The following DNM1 variants were observed in gnomAD, a reference collection of about 807,000 sequenced individuals.
DNM1 encodes the protein dynamin-1.
DNM1 carries 29 observed loss-of-function variants against 104.6 expected under a neutral mutation model. The observed-to-expected ratio is 0.28, with a 90% confidence interval of 0.21 to 0.38. DNM1 has a LOEUF of 0.38. DNM1 is among the 10% of genes least tolerant of loss of function. The pLI is 1.00. For synonymous variants in DNM1, 445 were observed against 475.8 expected, an observed-to-expected ratio of 0.94 and a Z score of 0.84; for missense variants, 640 against 1,189.4, an observed-to-expected ratio of 0.54 and a Z score of 6.79.
intron 21 of DNM1, chr9:128,252,390 G>A: frequency 2.5e-6 from 1 of 396,192 alleles, no homozygotes; most frequent in Non-Finnish European, 4.9e-6. Flanking sequence ...AGAGCAGTCT[G>A]GGAGAGCTTC....
rs1836877298 is a variant in DNM1, at chr9:128,247,117, G to T, written c.1782-258G>T. On this transcript the variant is annotated intron_variant, in intron 16 of 21. Transcript: ENST00000372923. This position sits in a 1 kb window ranked among gnomAD's most constrained non-coding sequence, Gnocchi z 5.1. ...CTTCACTGACTATGGTTGTCCTCTT[G>T]TCAAAGGTCCAGTCCCCTTCTAAGC... is the stretch of plus-strand genomic sequence containing the variant. 5.5e-6 allele frequency: 2 copies of T among 360,646 alleles called. No homozygotes were observed. The highest frequency in any genetic ancestry group is 5.3e-5 in the South Asian group (1 of 18,846). 22.3% of individuals were successfully genotyped at this position (360,646 alleles called of 1,614,324 possible). A position where few individuals can be genotyped will look rare whatever the true frequency, so the allele number is the denominator to read the frequency against.
At chr9:128,208,603 G>A (rs1293468898) in intron 1 of DNM1, among the ~76,000 whole-genome samples, 1 of 152,182 alleles carries the variant, frequency 6.6e-6, no homozygotes, top group Non-Finnish European at 1.5e-5. Context: ...TGACCTGGAT[G>A]GGGCAGAGGG....
In DNM1 at chr9:128,218,950, C is replaced by T; in HGVS notation, c.386-99C>T. The T allele has an allele frequency of 7.0e-7, 1 of 1,423,166 alleles. No individual in the cohort carries two copies. The highest frequency in any genetic ancestry group is 9.6e-7 in the Non-Finnish European group (1 of 1,039,590). The allele number at this position is 1,423,166 out of a possible 1,614,324, so 88.2% of individuals were successfully genotyped here. On this transcript the variant is annotated intron_variant, in intron 3 of 21. Transcript: ENST00000372923. The surrounding 1 kb of genome is among the most constrained non-coding windows in gnomAD (Gnocchi z 4.8). ...ATTTCCTAGTCCCACCCACCTGCCACCCTGCTCCCAAGCAGCTTCTCTAAC... is the reference window on the plus strand; with the variant it reads ...ATTTCCTAGTCCCACCCACCTGCCATCCTGCTCCCAAGCAGCTTCTCTAAC...
chr9:128,217,427 T>G (rs1318109188), intron 1 of DNM1, among the ~76,000 whole-genome samples: 1 of 152,062 alleles, frequency 6.6e-6, no homozygotes, highest in Non-Finnish European at 1.5e-5. Flanking sequence ...TCTTTGTGGG[T>G]TTTTTTGAGG....
Position 128,254,560 on chromosome 9 carries a change from CGCG to C in DNM1, c.2535-91_2535-89del, listed in dbSNP as rs1469871105. On this transcript the variant is annotated intron_variant, in intron 21 of 21. Transcript: ENST00000372923. The surrounding 1 kb of genome is among the most constrained non-coding windows in gnomAD (Gnocchi z 6.1). The stretch of plus-strand genomic sequence containing the variant: ...CCCGGCCCTCCCACCACTGCTGCGG[CGCG>C]GCCGGCCCCGGCCGTGTGCTGCGCT... 4.4e-5 allele frequency: 69 copies of C among 1,582,848 alleles called. No homozygotes were observed. The highest frequency in any genetic ancestry group is 1.4e-4 in the South Asian group (13 of 90,184).
Position 128,219,968 on chromosome 9 carries a change from C to A in DNM1, c.590-20C>A. 1 of 1,539,592 alleles carries A rather than the reference C, an allele frequency of 6.5e-7. No homozygotes were observed. The highest frequency in any genetic ancestry group is 8.8e-7 in the Non-Finnish European group (1 of 1,136,850). On this transcript the variant is annotated intron_variant, in intron 4 of 21. Coordinates refer to ENST00000372923, the MANE Select transcript of DNM1 (RefSeq NM_004408.4). ...GAGAGCGGGTGCAGCTGTAGACGGCCCTCCTGCTGGTGCACCCAGGCCAGC... is the reference window on the plus strand; with the variant it reads ...GAGAGCGGGTGCAGCTGTAGACGGCACTCCTGCTGGTGCACCCAGGCCAGC...
chr9:128,239,313 T>C (rs1836212396), intron 11 of DNM1, 132 bp from the exon 12 acceptor site: 1 of 698,458 alleles, frequency 1.4e-6, no homozygotes, highest in Non-Finnish European at 2.5e-6. Flanking sequence ...CTTTCACTGA[T>C]GGTAGGGACT....
At chr9:128,226,300 C>T in intron 10 of DNM1, 1 of 1,405,776 alleles carries the variant, frequency 7.1e-7, no homozygotes, top group Non-Finnish European at 9.5e-7. Context: ...CTAGTGTTTC[C>T]TGCCAGTTTC....
chr9:128,242,385 T>A, intron 15 of DNM1, 40 bp downstream of exon 15: 1 of 1,195,812 alleles, frequency 8.4e-7, no homozygotes. Context: ...GCTGGGCTGG[T>A]GGACAGAGTC....
chr9:128,223,384 G>A (rs1382923518), intron 9 of DNM1: 2 of 155,626 alleles, frequency 1.3e-5, no homozygotes, highest in Non-Finnish European at 1.4e-5. Flanking sequence ...TTCCTTAAAA[G>A]CTTAGATCCC....
chr9:128,251,140 G>C, intron 21 of DNM1, 200 bp downstream of exon 21: 1 of 676,100 alleles, frequency 1.5e-6, no homozygotes, highest in Non-Finnish European at 2.7e-6. Flanking sequence ...GCTGAGTCCC[G>C]GAGGTGGTCG....
intron 11 of DNM1, among the ~76,000 whole-genome samples, chr9:128,238,383 C>A (rs538200854): frequency 6.6e-6 from 1 of 152,250 alleles, no homozygotes; most frequent in East Asian, 1.9e-4. Context: ...TGCCACCATG[C>A]CCATCTAATT....
intron 20 of DNM1, 93 bp downstream of exon 20, chr9:128,250,449 G>T: frequency 2.2e-6 from 3 of 1,352,232 alleles, no homozygotes; most frequent in Non-Finnish European, 2.9e-6. Flanking sequence ...CCGCGTCACC[G>T]GGGTGGCTCC....
rs1836484535 is a variant in DNM1, at chr9:128,243,101, G to A, written c.1671+756G>A. On this transcript the variant is annotated intron_variant, in intron 15 of 21. Coordinates refer to ENST00000372923, the MANE Select transcript of DNM1 (RefSeq NM_004408.4). The surrounding 1 kb of genome is among the most constrained non-coding windows in gnomAD (Gnocchi z 4.0). ...CCTGCAGTCCAAGGGAAATGACCAGGGTGCCCTCAGGCTGAGGGGCAAGGA... is the reference window on the plus strand; with the variant it reads ...CCTGCAGTCCAAGGGAAATGACCAGAGTGCCCTCAGGCTGAGGGGCAAGGA... Among the ~76,000 whole-genome samples, 1 of 152,160 alleles carries A rather than the reference G, an allele frequency of 6.6e-6. No homozygotes were observed. Among genetic ancestry groups the A allele is most frequent in the African/African-American group, 2.4e-5 (1 of 41,438 alleles).
chr9:128,234,004 C>G lies in DNM1; in HGVS notation c.1336-17C>G, dbSNP rs2131226722. The G allele has an allele frequency of 6.4e-7, 1 of 1,554,376 alleles. No individual in the cohort carries two copies. Among genetic ancestry groups the G allele is most frequent in the East Asian group, 2.4e-5 (1 of 41,138 alleles). ...CCCTCTGTGTACGTGGCTTTCTGCC[C>G]TCCTGCCCTTCCCCAGCTCCAGCAG... is the stretch of plus-strand genomic sequence containing the variant. On this transcript the variant is annotated splice_polypyrimidine_tract_variant and intron_variant, in intron 10 of 21. Coordinates refer to ENST00000372923, the MANE Select transcript of DNM1 (RefSeq NM_004408.4).
At position 128,247,847 on chromosome 9, in the gene DNM1, T is replaced by G; in HGVS notation, c.1894-77T>G. 6.3e-7 allele frequency: 1 copy of G among 1,581,190 alleles called. No homozygotes were observed. Among genetic ancestry groups the G allele is most frequent in the South Asian group, 1.1e-5 (1 of 87,462 alleles). On this transcript the variant is annotated intron_variant, in intron 17 of 21. Coordinates refer to ENST00000372923, the MANE Select transcript of DNM1 (RefSeq NM_004408.4). This position sits in a 1 kb window ranked among gnomAD's most constrained non-coding sequence, Gnocchi z 5.1. ...TCCCAGGTTCACTCAATCTCTCCCCTTTTCCTCTCTGTGTTTCCTTCGGCT... is the reference window on the plus strand; with the variant it reads ...TCCCAGGTTCACTCAATCTCTCCCCGTTTCCTCTCTGTGTTTCCTTCGGCT...
intron 1 of DNM1, among the ~76,000 whole-genome samples, chr9:128,215,895 C>T (rs1834574597): frequency 6.6e-6 from 1 of 151,160 alleles, no homozygotes; most frequent in South Asian, 2.1e-4. Context: ...GGCCCCCACA[C>T]CCACCCCAGC....
At position 128,222,736 on chromosome 9, in the gene DNM1, G is replaced by T; in HGVS notation, c.1129-57G>T. On this transcript the variant is annotated intron_variant, in intron 8 of 21. Transcript: ENST00000372923. This position sits in a 1 kb window ranked among gnomAD's most constrained non-coding sequence, Gnocchi z 7.8. The stretch of plus-strand genomic sequence containing the variant: ...CTAGGTGTGGGGTGGGCCCTGTCTT[G>T]ACCTCCCAGGTAGTAGGACAGGCCC... The T allele has an allele frequency of 6.2e-7, 1 of 1,609,566 alleles. No individual in the cohort carries two copies. The highest frequency in any genetic ancestry group is 1.1e-5 in the South Asian group (1 of 90,744).
At chr9:128,208,715 C>CA (rs11379624) in intron 1 of DNM1, among the ~76,000 whole-genome samples, 5,904 of 152,142 alleles carry the variant, frequency 0.039, 371 homozygotes, top group African/African-American at 0.14. Flanking sequence ...CTGATCGGGG[C>CA]AGACAGACAT....
Sources: gnomAD v4.1 joint callset for allele counts (sites outside exome capture counted in the v4.1 genomes callset) on GRCh38, gnomAD v4.1.1 for gene constraint, Gnocchi (gnomAD v3.1) non-coding constraint, MANE v1.5 for transcripts, NCBI Gene and HGNC (gene_info 2026-07-23, HGNC 2026-07-21) for gene names.